MICU1: variants seen among roughly 807,000 people sequenced by gnomAD.
The protein encoded by MICU1 is calcium uptake protein 1, mitochondrial.
A neutral mutation model predicts 56.8 loss-of-function variants in MICU1; 45 were observed. The ratio of observed to expected loss-of-function variants is 0.79; its 90% CI spans 0.62 to 1.02. MICU1 has a LOEUF of 1.02. Ranked by LOEUF, MICU1 falls within the 50% of genes least tolerant of loss-of-function variation. The probability of loss-of-function intolerance (pLI) is 0.00; values close to 1 mark genes in which losing one functional copy is unlikely to be tolerated. For synonymous variants in MICU1, 186 were observed against 195.1 expected (o/e 0.95, Z 0.39); for missense variants, 504 against 587.1 (o/e 0.86, Z 1.46).
chr10:72,498,509 C>T (rs529589149), intron 6 of MICU1, among the ~76,000 whole-genome samples: 1 of 152,198 alleles, frequency 6.6e-6, no homozygotes, highest in African/African-American at 2.4e-5. Context: ...TGGCTTGAAC[C>T]CAGGAGGCGG....
chr10:72,428,720 C>T (rs942714479), intron 8 of MICU1, among the ~76,000 whole-genome samples: 1 of 152,158 alleles, frequency 6.6e-6, no homozygotes, highest in Non-Finnish European at 1.5e-5. Context: ...AAGGTTAACC[C>T]TCCAGCCTGA....
At chr10:72,377,213 G>C (rs184620657) in intron 10 of MICU1, among the ~76,000 whole-genome samples, 2 of 151,954 alleles carry the variant, frequency 1.3e-5, no homozygotes, top group Non-Finnish European at 2.9e-5. Context: ...ACTGCCTTCC[G>C]GGTTCAAACA....
intron 10 of MICU1, among the ~76,000 whole-genome samples, chr10:72,386,257 C>T (rs187478509): frequency 2.0e-4 from 30 of 152,284 alleles, no homozygotes; most frequent in African/African-American, 7.2e-4. Context: ...TCTTGGCTCA[C>T]TACAACCTCT....
rs887994632 is a variant in MICU1 at position 72,470,560 on chromosome 10, G to A, written c.933+4540C>T. Among the ~76,000 whole-genome samples, 10 of 152,180 alleles carry A rather than the reference G, an allele frequency of 6.6e-5. No individual in the cohort carries two copies. The East Asian group carries it at 1.9e-3, about 29-fold the overall frequency. On this transcript the variant is annotated intron_variant, in intron 8 of 11. Coordinates refer to ENST00000361114, the MANE Select transcript of MICU1 (RefSeq NM_001195518.2). The stretch of plus-strand genomic sequence containing the variant: ...GGCCAAACTTACTCTTTAATCAGGA[G>A]CCCACTACCACAGCAATAGCCACTT...
chr10:72,446,254 C>T lies in MICU1; in HGVS notation c.934-22883G>A, dbSNP rs148702454. Among the ~76,000 whole-genome samples, 12 of 152,156 alleles carry T rather than the reference C, an allele frequency of 7.9e-5. No homozygotes were observed. The East Asian group carries it at 1.9e-3, about 25-fold the overall frequency. On this transcript the variant is annotated intron_variant, in intron 8 of 11. Transcript: ENST00000361114. ...TCCTGAGTATGAAGAAATTTTAGACCAATTTATTTATTTTCTTTATATGTA... is the reference window on the plus strand; with the variant it reads ...TCCTGAGTATGAAGAAATTTTAGACTAATTTATTTATTTTCTTTATATGTA...
chr10:72,371,353 C>T (rs1424182166), intron 11 of MICU1, among the ~76,000 whole-genome samples: 6 of 142,022 alleles, frequency 4.2e-5, no homozygotes, highest in African/African-American at 1.6e-4. Context: ...CACCACTGCA[C>T]TCCAGCCTGG....
intron 1 of MICU1, among the ~76,000 whole-genome samples, chr10:72,607,234 G>A (rs771458377): frequency 2.6e-5 from 4 of 151,722 alleles, no homozygotes; most frequent in Non-Finnish European, 5.9e-5. Flanking sequence ...CCAGCTACTC[G>A]GGAGGCTGAG....
chr10:72,579,068 T>C (rs1375703702), intron 1 of MICU1, among the ~76,000 whole-genome samples: 1 of 152,194 alleles, frequency 6.6e-6, no homozygotes, highest in Non-Finnish European at 1.5e-5. Context: ...GGCACACCTA[T>C]ACCTAAAATA....
intron 8 of MICU1, among the ~76,000 whole-genome samples, chr10:72,446,825 G>T (rs1265290102): frequency 1.3e-5 from 2 of 152,142 alleles, no homozygotes; most frequent in Non-Finnish European, 2.9e-5. Context: ...AATGTTGGCT[G>T]CTATTAATAA....
chr10:72,476,403 T>TC (rs1285084902), intron 7 of MICU1, among the ~76,000 whole-genome samples: 3 of 151,836 alleles, frequency 2.0e-5, no homozygotes, highest in Non-Finnish European at 4.4e-5. Context: ...TAATTTTTTT[T>TC]CCCCCTGTAG....
intron 10 of MICU1, among the ~76,000 whole-genome samples, chr10:72,385,765 G>C (rs1395969809): frequency 1.3e-5 from 2 of 152,128 alleles, no homozygotes; most frequent in African/African-American, 4.8e-5. Context: ...ATAATCCTGT[G>C]ATGAGGTTAC....
intron 1 of MICU1, among the ~76,000 whole-genome samples, chr10:72,586,855 C>G (rs532959560): frequency 3.3e-5 from 5 of 152,258 alleles, no homozygotes; most frequent in African/African-American, 1.2e-4. Flanking sequence ...ATGGCACATG[C>G]CTATATCTCT....
intron 1 of MICU1, among the ~76,000 whole-genome samples, chr10:72,577,931 A>C (rs778286866): frequency 1.5e-4 from 23 of 152,166 alleles, no homozygotes; most frequent in Non-Finnish European, 2.9e-4. Flanking sequence ...ATGACCATAA[A>C]GGATTTACAA....
At chr10:72,424,278 A>G (rs949225209) in intron 8 of MICU1, among the ~76,000 whole-genome samples, 14 of 151,910 alleles carry the variant, frequency 9.2e-5, no homozygotes, top group African/African-American at 3.1e-4. Flanking sequence ...ACGCCTGGCT[A>G]ATTTTTGTAT....
chr10:72,593,986 T>C (rs1324039264), intron 1 of MICU1, among the ~76,000 whole-genome samples: 7 of 152,160 alleles, frequency 4.6e-5, no homozygotes, highest in Non-Finnish European at 1.0e-4. Flanking sequence ...AAAATCCCAA[T>C]GACATTGTTT....
intron 6 of MICU1, chr10:72,501,707 A>G (rs2132330723): frequency 6.6e-6 from 1 of 152,312 alleles, no homozygotes; most frequent in Middle Eastern, 3.4e-3. Context: ...AAAGGTGTTT[A>G]AACGTGTAGG....
intron 8 of MICU1, among the ~76,000 whole-genome samples, chr10:72,468,340 C>T (rs1349034952): frequency 1.3e-5 from 2 of 150,640 alleles, no homozygotes; most frequent in South Asian, 2.1e-4. Flanking sequence ...CCCCTTACCC[C>T]TCTCAAATTA....
chr10:72,463,252 G>A (rs1214657299), intron 8 of MICU1, among the ~76,000 whole-genome samples: 1 of 152,048 alleles, frequency 6.6e-6, no homozygotes, highest in African/African-American at 2.4e-5. Flanking sequence ...TAGTAGAGAC[G>A]CGGTTTCTCC....
At chr10:72,385,306 A>G (rs968448049) in intron 10 of MICU1, among the ~76,000 whole-genome samples, 1 of 152,158 alleles carries the variant, frequency 6.6e-6, no homozygotes, top group Non-Finnish European at 1.5e-5. Flanking sequence ...CCTGGCCAAC[A>G]TGGTAAAACC....
Sources: gnomAD v4.1 joint callset for allele counts (sites outside exome capture counted in the v4.1 genomes callset) on GRCh38, gnomAD v4.1.1 for gene constraint, MANE v1.5 for transcripts, NCBI Gene and HGNC (gene_info 2026-07-23, HGNC 2026-07-21) for gene names.